SPEF2: variants seen among roughly 807,000 people sequenced by gnomAD.
SPEF2 encodes the protein sperm flagellar and cilia associated 2.
SPEF2 carries 187 observed loss-of-function variants against 224.6 expected under a neutral mutation model. The ratio of observed to expected loss-of-function variants is 0.83; its 90% CI spans 0.74 to 0.94. SPEF2 has a LOEUF of 0.94. Among genes scored for constraint, SPEF2 ranks in the 40% least tolerant of loss-of-function variants. The pLI is 0.00. For missense variants in SPEF2, 2,170 were observed against 2,135.6 expected (o/e 1.02, Z -0.32); for synonymous variants, 715 against 707.3 (o/e 1.01, Z -0.17).
rs115890865 is a variant in SPEF2 at position 35,640,403 on chromosome 5, T to C, written c.162-1028T>C. Among the ~76,000 whole-genome samples, 783 of 152,276 alleles carry C rather than the reference T, an allele frequency of 5.1e-3. 9 individuals are homozygous for C. Among genetic ancestry groups the C allele is most frequent in the African/African-American group, 0.018 (752 of 41,562 alleles). Reference sequence around the variant, plus strand: ...TGTGATGGAAGATCAAAAGGGGTGATAGATGCCTTTCTAGAGAATGGAAGC... The same window carrying C: ...TGTGATGGAAGATCAAAAGGGGTGACAGATGCCTTTCTAGAGAATGGAAGC... On this transcript the variant is annotated intron_variant, in intron 2 of 36. Transcript: ENST00000356031.
chr5:35,705,687 G>A lies in SPEF2; in HGVS notation c.2544G>A (p.Glu848=), dbSNP rs764279535. 6.3e-7 allele frequency: 1 copy of A among 1,592,040 alleles called. No individual in the cohort carries two copies. The highest frequency in any genetic ancestry group is 8.5e-7 in the Non-Finnish European group (1 of 1,173,550). Residue 848 remains glutamate, a synonymous_variant, in exon 18 of 37, where the codon GAG becomes GAA. Coordinates refer to ENST00000356031, the MANE Select transcript of SPEF2 (RefSeq NM_024867.4). ...IGFLDNWPLL[E]QWFSEPENIL... ...TCTTGGACAACTGGCCTTTATTGGA[G>A]CAATGGTTTTCAGAGCCAGAAAATA... is the stretch of plus-strand genomic sequence containing the variant.
chr5:35,788,362 T>G (rs1755470400), intron 30 of SPEF2: 1 of 702,718 alleles, frequency 1.4e-6, no homozygotes. Context: ...TATTCAGAAC[T>G]AAAAAATCAG....
chr5:35,712,852 A>C lies in SPEF2; in HGVS notation c.2880A>C (p.Lys960Asn). Residue 960 changes from lysine to asparagine, a missense_variant, in exon 20 of 37, where the codon AAA becomes AAC. Lys to Asn is a moderately conservative substitution (Grantham distance 94). Transcript: ENST00000356031. Reference protein sequence around the residue: ...HGKQESLQEGKGKKGETALKR... With the variant: ...HGKQESLQEGNGKKGETALKR... Reference sequence around the variant, plus strand: ...AGCAAGAATCTCTTCAGGAAGGAAAAGGGAAGAAAGGTGAGACCGCACTCA... The same window carrying C: ...AGCAAGAATCTCTTCAGGAAGGAAACGGGAAGAAAGGTGAGACCGCACTCA... 6.2e-7 allele frequency: 1 copy of C among 1,613,848 alleles called. No homozygotes were observed. The highest frequency in any genetic ancestry group is 1.1e-5 in the South Asian group (1 of 91,060).
At chr5:35,784,286 C>G (rs369447052) in intron 30 of SPEF2, among the ~76,000 whole-genome samples, 2 of 152,100 alleles carry the variant, frequency 1.3e-5, no homozygotes, top group Admixed American at 1.3e-4. Flanking sequence ...CGCCACCACA[C>G]CCGGCTAATT....
rs533349894 is a variant in SPEF2 at position 35,650,700 on chromosome 5, T to TTA, written c.791+1275_791+1276insTA. 3.9e-4 allele frequency among the ~76,000 whole-genome samples: 59 copies of TTA among 152,268 alleles called. No homozygotes were observed. In the East Asian group the frequency reaches 9.5e-3, roughly 24 times the overall value. On this transcript the variant is annotated intron_variant, in intron 6 of 36. Transcript: ENST00000356031. ...GCCCTGCACCAGTATCCATGTCTATTGGTTAGTGTCCTTGCCATGTCAGTT... is the reference window on the plus strand; with the variant it reads ...GCCCTGCACCAGTATCCATGTCTATTTAGGTTAGTGTCCTTGCCATGTCAGTT...
At chr5:35,796,718 A>G (rs906470331) in intron 33 of SPEF2, among the ~76,000 whole-genome samples, 20 of 152,216 alleles carry the variant, frequency 1.3e-4, no homozygotes, top group African/African-American at 4.6e-4. Context: ...AGATTGTTCA[A>G]TTTCTAGCCA....
At chr5:35,618,203 G>A (rs1295622107) in intron 1 of SPEF2, 148 bp downstream of exon 1, 2 of 834,214 alleles carry the variant, frequency 2.4e-6, no homozygotes, top group Non-Finnish European at 3.9e-6. Context: ...CCCACAGTGA[G>A]CAACTCGGCT....
At chr5:35,734,700 CTTTTTTTTCT>C (rs1419567541) in intron 21 of SPEF2, among the ~76,000 whole-genome samples, 1,312 of 29,368 alleles carry the variant, frequency 0.045, 26 homozygotes, top group African/African-American at 0.075. Context: ...GAATTGCTTT[CTTTTTTTTCT>C]TTTTTTTTTT....
chr5:35,767,100 G>C (rs1752191376), intron 26 of SPEF2, among the ~76,000 whole-genome samples: 1 of 151,320 alleles, frequency 6.6e-6, no homozygotes, highest in African/African-American at 2.4e-5. Flanking sequence ...AAATATCATT[G>C]TTTAAATCTT....
At chr5:35,686,323 A>G (rs1753615868) in intron 10 of SPEF2, among the ~76,000 whole-genome samples, 1 of 152,256 alleles carries the variant, frequency 6.6e-6, no homozygotes, top group South Asian at 2.1e-4. Context: ...ATCTTAAAAT[A>G]TAAATTACAT....
chr5:35,657,410 G>C (rs1161302724), intron 7 of SPEF2, among the ~76,000 whole-genome samples: 1 of 152,058 alleles, frequency 6.6e-6, no homozygotes, highest in Admixed American at 6.6e-5. Flanking sequence ...TTGAGAGTAG[G>C]GATGGTAAGA....
intron 24 of SPEF2, among the ~76,000 whole-genome samples, chr5:35,757,533 G>A (rs1423836381): frequency 6.6e-6 from 1 of 151,986 alleles, no homozygotes; most frequent in East Asian, 1.9e-4. Context: ...TCAATATTCA[G>A]TTTGTACAAA....
chr5:35,683,625 AAAAC>A (rs1176592826), intron 10 of SPEF2, among the ~76,000 whole-genome samples: 5 of 152,318 alleles, frequency 3.3e-5, no homozygotes, highest in South Asian at 2.1e-4. Flanking sequence ...ACTTCGTCTC[AAAAC>A]AAACAAACAA....
chr5:35,627,567 T>G (rs1306284310), intron 1 of SPEF2, among the ~76,000 whole-genome samples: 1 of 152,076 alleles, frequency 6.6e-6, no homozygotes, highest in Non-Finnish European at 1.5e-5. Flanking sequence ...ACTCAGAGGT[T>G]GTAGATTAGG....
intron 36 of SPEF2, among the ~76,000 whole-genome samples, chr5:35,813,187 G>T (rs916263666): frequency 6.6e-6 from 1 of 152,224 alleles, no homozygotes; most frequent in African/African-American, 2.4e-5. Flanking sequence ...ATATAAAGAA[G>T]ACATGTTATT....
At chr5:35,667,008 A>T in intron 8 of SPEF2, 64 bp from the exon 9 acceptor site, 1 of 1,451,852 alleles carries the variant, frequency 6.9e-7, no homozygotes, top group Non-Finnish European at 9.2e-7. Flanking sequence ...GGCCATTGAA[A>T]TGATGACATT....
At chr5:35,792,270 C>G in intron 30 of SPEF2, 70 bp from the exon 31 acceptor site, 1 of 1,213,948 alleles carries the variant, frequency 8.2e-7, no homozygotes, top group Non-Finnish European at 1.2e-6. Flanking sequence ...CTCATTGCTT[C>G]TATTTTAGCA....
At chr5:35,775,076 C>T (rs1753421015) in intron 28 of SPEF2, among the ~76,000 whole-genome samples, 2 of 152,136 alleles carry the variant, frequency 1.3e-5, no homozygotes, top group African/African-American at 4.8e-5. Flanking sequence ...TTGCTGGAGA[C>T]ACACATTTAT....
intron 20 of SPEF2, among the ~76,000 whole-genome samples, chr5:35,720,220 A>T (rs1480182828): frequency 6.6e-6 from 1 of 152,236 alleles, no homozygotes; most frequent in Non-Finnish European, 1.5e-5. Context: ...AATTTTGATC[A>T]TAGGAGTATA....
Sources: gnomAD v4.1 joint callset for allele counts (sites outside exome capture counted in the v4.1 genomes callset) on GRCh38, gnomAD v4.1.1 for gene constraint, MANE v1.5 for transcripts, NCBI Gene and HGNC (gene_info 2026-07-23, HGNC 2026-07-21) for gene names.